Variants in CLEC2L observed in about 807,000 individuals in gnomAD.
CLEC2L encodes C-type lectin domain family 2, member L.
Under a neutral mutation model 23.6 loss-of-function variants are expected in CLEC2L, and 14 were observed. That is an observed-to-expected ratio of 0.59 (90% CI 0.39 to 0.93). The LOEUF is 0.93. Among genes scored for constraint, CLEC2L ranks in the 40% least tolerant of loss-of-function variants. The pLI is 0.00. For synonymous variants in CLEC2L, 114 were observed against 121.3 expected (o/e 0.94, Z 0.40); for missense variants, 264 against 282.4 (o/e 0.93, Z 0.47).
chr7:139,540,264 C>A lies in CLEC2L; in HGVS notation c.266-57C>A. 6.6e-7 allele frequency: 1 copy of A among 1,508,608 alleles called. No individual in the cohort carries two copies. The highest frequency in any genetic ancestry group is 1.2e-5 in the South Asian group (1 of 82,794). The allele number at this position is 1,508,608 out of a possible 1,614,324, so 93.5% of individuals were successfully genotyped here. On this transcript the variant is annotated intron_variant, in intron 2 of 4. Coordinates refer to ENST00000422142, the MANE Select transcript of CLEC2L (RefSeq NM_001080511.4). The surrounding 1 kb of genome is among the most constrained non-coding windows in gnomAD (Gnocchi z 5.8). ...AGGCAGGGGAGGGAGCCACAGAAAG[C>A]AGAGTGGGACTCGGGCTGGGGGGGC...
At chr7:139,544,037 G>C (rs534567699) in intron 4 of CLEC2L, among the ~76,000 whole-genome samples, 194 bp from the exon 5 acceptor site, 72 of 152,322 alleles carry the variant, frequency 4.7e-4, no homozygotes, top group African/African-American at 1.7e-3. Flanking sequence ...GGTGGCTGGA[G>C]CTACGGTGCA....
chr7:139,531,710 A>C (rs1274599873), intron 1 of CLEC2L, among the ~76,000 whole-genome samples: 1 of 152,136 alleles, frequency 6.6e-6, no homozygotes, highest in Non-Finnish European at 1.5e-5. Context: ...GGAGTTCAAG[A>C]CCATCCTGGC....
At chr7:139,535,388 G>A (rs1797638246) in intron 1 of CLEC2L, among the ~76,000 whole-genome samples, 1 of 152,176 alleles carries the variant, frequency 6.6e-6, no homozygotes, top group African/African-American at 2.4e-5. Flanking sequence ...GATGGGAGTT[G>A]TTTAAGGGAA....
At chr7:139,524,722 T>G (rs1797481888) in intron 1 of CLEC2L, among the ~76,000 whole-genome samples, 1 of 152,182 alleles carries the variant, frequency 6.6e-6, no homozygotes, top group Non-Finnish European at 1.5e-5. Context: ...AGAATTGATT[T>G]CAAGTTCATG....
chr7:139,542,282 T>A (rs1306231319), intron 4 of CLEC2L, among the ~76,000 whole-genome samples, 161 bp downstream of exon 4: 1 of 152,132 alleles, frequency 6.6e-6, no homozygotes, highest in Non-Finnish European at 1.5e-5. Flanking sequence ...GCCATGAAAA[T>A]GTCTGTACTT....
rs1234486141 is a variant in CLEC2L at position 139,524,214 on chromosome 7, C to G, written c.190+97C>G. On this transcript the variant is annotated intron_variant, in intron 1 of 4. Transcript: ENST00000422142. The stretch of plus-strand genomic sequence containing the variant: ...GTCAGAGTCACCTTGGCCGCTGTCC[C>G]GGAGGGGAGCGCTGGGAGCGCGGCG... 9 of 976,530 alleles carry G rather than the reference C, an allele frequency of 9.2e-6. No individual in the cohort carries two copies. The South Asian group carries it at 2.8e-4, about 31-fold the overall frequency. 60.5% of individuals were successfully genotyped at this position (976,530 alleles called of 1,614,324 possible). A position where few individuals can be genotyped will look rare whatever the true frequency, so the allele number is the denominator to read the frequency against.
chr7:139,524,397 C>T (rs1436075692), intron 1 of CLEC2L, among the ~76,000 whole-genome samples: 5 of 152,240 alleles, frequency 3.3e-5, no homozygotes, highest in Non-Finnish European at 7.3e-5. Flanking sequence ...TCTGAGCCTT[C>T]GTCTCCTCAC....
In CLEC2L at chr7:139,535,020, C is replaced by T. The variant is rs1797633338; in HGVS notation, c.191-1254C>T. 2.0e-5 allele frequency among the ~76,000 whole-genome samples: 3 copies of T among 151,156 alleles called. No homozygotes were observed. The South Asian group carries it at 6.2e-4, about 31-fold the overall frequency. Reference sequence around the variant, plus strand: ...AAACCTACCATGTGATCCAGCAACTCCACTCCTAAGCATATACCCAAAAGA... The same window carrying T: ...AAACCTACCATGTGATCCAGCAACTTCACTCCTAAGCATATACCCAAAAGA... On this transcript the variant is annotated intron_variant, in intron 1 of 4. Coordinates refer to ENST00000422142, the MANE Select transcript of CLEC2L (RefSeq NM_001080511.4).
At position 139,527,091 on chromosome 7, in the gene CLEC2L, G is replaced by A. The variant is rs902405200; in HGVS notation, c.190+2974G>A. 5.3e-5 allele frequency among the ~76,000 whole-genome samples: 8 copies of A among 152,320 alleles called. No homozygotes were observed. In the East Asian group the frequency reaches 1.3e-3, roughly 26 times the overall value. ...CCAATGCACATCAAGCACCTGCTACGTGCTGGAGCCTTGCTGGGGCTTTCA... is the reference window on the plus strand; with the variant it reads ...CCAATGCACATCAAGCACCTGCTACATGCTGGAGCCTTGCTGGGGCTTTCA... On this transcript the variant is annotated intron_variant, in intron 1 of 4. Transcript: ENST00000422142.
At chr7:139,526,246 AG>A (rs758572946) in intron 1 of CLEC2L, among the ~76,000 whole-genome samples, 2 of 152,084 alleles carry the variant, frequency 1.3e-5, no homozygotes, top group African/African-American at 2.4e-5. Flanking sequence ...GAGGAGACAG[AG>A]GGAAAGGTGT....
rs777337375 is a variant in CLEC2L at position 139,544,377 on chromosome 7, C to T, written c.*35C>T. On this transcript the variant is annotated 3_prime_UTR_variant, in exon 5 of 5. Coordinates refer to ENST00000422142, the MANE Select transcript of CLEC2L (RefSeq NM_001080511.4). ...GGCCAGAGGTGGCCCCGCCCCTAGG[C>T]CTGTGGGAGGTGTCTGGTGTCTGCT... The T allele has an allele frequency of 2.1e-6, 3 of 1,455,194 alleles. No individual in the cohort carries two copies. The highest frequency in any genetic ancestry group is 2.9e-6 in the Non-Finnish European group (3 of 1,049,018). The allele number at this position is 1,455,194 out of a possible 1,614,324, so 90.1% of individuals were successfully genotyped here.
intron 1 of CLEC2L, among the ~76,000 whole-genome samples, chr7:139,531,933 G>GA (rs1470797451): frequency 1.3e-5 from 2 of 151,108 alleles, no homozygotes; most frequent in South Asian, 2.1e-4. Context: ...AAAAGAAAAA[G>GA]AAAAAAAATT....
chr7:139,524,822 G>A (rs1254957483), intron 1 of CLEC2L, among the ~76,000 whole-genome samples: 3 of 152,180 alleles, frequency 2.0e-5, no homozygotes, highest in Non-Finnish European at 1.5e-5. Flanking sequence ...GGCCCTTTGG[G>A]TGCTTCTCAG....
chr7:139,535,725 T>C (rs922014991), intron 1 of CLEC2L, among the ~76,000 whole-genome samples: 1 of 150,704 alleles, frequency 6.6e-6, no homozygotes, highest in African/African-American at 2.4e-5. Context: ...GAAGTATCTG[T>C]GGAGGAGGTG....
Position 139,539,126 on chromosome 7 carries a change from T to A in CLEC2L, c.266-1195T>A, listed in dbSNP as rs1193358132. The A allele has an allele frequency of 1.3e-5, 2 of 152,192 alleles. No homozygotes were observed. The highest frequency in any genetic ancestry group is 3.9e-4 in the East Asian group (2 of 5,188). 9.4% of individuals were successfully genotyped at this position (152,192 alleles called of 1,614,324 possible). On this transcript the variant is annotated intron_variant, in intron 2 of 4. Transcript: ENST00000422142. This position sits in a 1 kb window ranked among gnomAD's most constrained non-coding sequence, Gnocchi z 4.1. ...TTCTTGGCTCTGTCCTGGTCTACAT[T>A]TTAATCAATCACTTGTATGAAAACA... is the stretch of plus-strand genomic sequence containing the variant.
At chr7:139,536,701 G>A (rs543668252) in intron 2 of CLEC2L, among the ~76,000 whole-genome samples, 71 of 152,108 alleles carry the variant, frequency 4.7e-4, no homozygotes, top group African/African-American at 1.6e-3. Context: ...TCGGCCGGGC[G>A]CAGTGGCTCA....
intron 1 of CLEC2L, among the ~76,000 whole-genome samples, chr7:139,533,067 C>T (rs1797602520): frequency 6.6e-6 from 1 of 152,172 alleles, no homozygotes; most frequent in Non-Finnish European, 1.5e-5. Context: ...CACGGCATGG[C>T]TTTGCTGAGA....
intron 1 of CLEC2L, chr7:139,534,409 T>C (rs961804936): frequency 1.9e-5 from 17 of 912,618 alleles, no homozygotes; most frequent in Non-Finnish European, 2.8e-5. Flanking sequence ...ATCAGTCAGT[T>C]GTTTGATTTC....
intron 1 of CLEC2L, among the ~76,000 whole-genome samples, chr7:139,534,964 A>G (rs76651528): frequency 4.6e-4 from 69 of 151,092 alleles, no homozygotes; most frequent in Non-Finnish European, 1.5e-4. Context: ...TCTTTAGTAA[A>G]AAAAAAAAAA....
Sources: gnomAD v4.1 joint callset for allele counts (sites outside exome capture counted in the v4.1 genomes callset) on GRCh38, gnomAD v4.1.1 for gene constraint, Gnocchi (gnomAD v3.1) non-coding constraint, MANE v1.5 for transcripts, NCBI Gene and HGNC (gene_info 2026-07-23, HGNC 2026-07-21) for gene names.